TCF7L2: variants seen among roughly 807,000 people sequenced by gnomAD.
TCF7L2 encodes transcription factor 7-like 2.
TCF7L2 carries 23 observed loss-of-function variants against 77.9 expected under a neutral mutation model. The observed-to-expected ratio is 0.30, with a 90% CI of 0.21 to 0.42. The LOEUF is 0.42. TCF7L2 is among the 10% of genes least tolerant of loss of function. TCF7L2 has a pLI of 1.00. For synonymous variants in TCF7L2, 413 were observed against 340.2 expected (o/e 1.21, Z -2.36); for missense variants, 654 against 793.1 (o/e 0.82, Z 2.11).
intron 5 of TCF7L2, among the ~76,000 whole-genome samples, chr10:113,075,003 G>GTATTTATT (rs35726298): frequency 1.3e-5 from 2 of 152,194 alleles, no homozygotes; most frequent in African/African-American, 4.8e-5. Context: ...ATATAGGAAA[G>GTATTTATT]TATTTATTTA....
At chr10:113,077,493 C>T (rs7918209) in intron 5 of TCF7L2, among the ~76,000 whole-genome samples, 2,692 of 152,128 alleles carry the variant, frequency 0.018, 81 homozygotes, top group African/African-American at 0.061. Context: ...CTCCCCATTT[C>T]CCCCACTCTG....
At chr10:112,960,729 C>T (rs567700256) in intron 3 of TCF7L2, among the ~76,000 whole-genome samples, 1 of 149,064 alleles carries the variant, frequency 6.7e-6, no homozygotes, top group African/African-American at 2.5e-5. Flanking sequence ...CTCTTGTTTT[C>T]CAGGCCGGAG....
intron 5 of TCF7L2, chr10:113,089,446 A>AC (rs756433967): frequency 2.1e-5 from 34 of 1,612,662 alleles, no homozygotes; most frequent in East Asian, 4.5e-5. Flanking sequence ...CAGCACTTCT[A>AC]CCCCCCCTCA....
At chr10:113,157,798 A>G (rs140003242) in intron 11 of TCF7L2, 304 of 503,394 alleles carry the variant, frequency 6.0e-4, no homozygotes, top group Non-Finnish European at 8.9e-4. Flanking sequence ...CCACCCGCCA[A>G]TCCCTTCTCT....
intron 5 of TCF7L2, among the ~76,000 whole-genome samples, chr10:113,089,758 G>A (rs978667149): frequency 6.6e-6 from 1 of 152,146 alleles, no homozygotes; most frequent in Non-Finnish European, 1.5e-5. Flanking sequence ...GAGGGTGGAG[G>A]GTGGTGCTCG....
intron 5 of TCF7L2, among the ~76,000 whole-genome samples, chr10:113,071,154 C>T (rs894696693): frequency 6.6e-6 from 1 of 152,178 alleles, no homozygotes; most frequent in African/African-American, 2.4e-5. Flanking sequence ...CTCTTGCTTC[C>T]TTCCACCCTG....
chr10:113,111,186 A>T lies in TCF7L2; in HGVS notation c.553-29998A>T, dbSNP rs188945896. 3.2e-3 allele frequency among the ~76,000 whole-genome samples: 486 copies of T among 152,258 alleles called. 3 individuals are homozygous for T. The highest frequency in any genetic ancestry group is 0.011 in the African/African-American group (456 of 41,534). On this transcript the variant is annotated intron_variant, in intron 5 of 13. Coordinates refer to ENST00000627217, the MANE Select transcript of TCF7L2 (RefSeq NM_001146274.2). ...GATGGTCATAGAACTGGTTTCTGTT[A>T]GAGGTTAACTGACTTTGAGGAAATT... is the stretch of plus-strand genomic sequence containing the variant.
chr10:113,113,963 C>A (rs6585207), intron 5 of TCF7L2, among the ~76,000 whole-genome samples: 48,147 of 152,118 alleles, frequency 0.32, 8,086 homozygotes, highest in African/African-American at 0.41. Flanking sequence ...TGATGGGTTT[C>A]GTTGGACTAT....
chr10:113,086,773 A>AG (rs58310420), intron 5 of TCF7L2, among the ~76,000 whole-genome samples: 66,093 of 150,848 alleles, frequency 0.44, 16,404 homozygotes, highest in East Asian at 0.78. Flanking sequence ...AAAAAAAAAA[A>AG]AAACTATAGT....
rs1400643864 is a variant in TCF7L2, at chr10:113,161,377, C to T, written c.1391+686C>T. On this transcript the variant is annotated intron_variant, in intron 13 of 13. Coordinates refer to ENST00000627217, the MANE Select transcript of TCF7L2 (RefSeq NM_001146274.2). ...TGTGTGTATATATGTAGCATTGGTTCCAAAAGGAATCAGAACAGCCCAGAA... is the reference window on the plus strand; with the variant it reads ...TGTGTGTATATATGTAGCATTGGTTTCAAAAGGAATCAGAACAGCCCAGAA... The T allele has an allele frequency of 6.6e-5, 40 of 605,454 alleles. No individual in the cohort carries two copies. The Admixed American group carries it at 1.1e-3, about 16-fold the overall frequency. The allele number at this position is 605,454 out of a possible 1,614,324, so 37.5% of individuals were successfully genotyped here.
intron 5 of TCF7L2, among the ~76,000 whole-genome samples, chr10:113,140,767 G>C (rs1232920269): frequency 6.6e-6 from 1 of 152,132 alleles, no homozygotes; most frequent in African/African-American, 2.4e-5. Flanking sequence ...GGTTTTCCTA[G>C]ATGGTCCCCT....
intron 5 of TCF7L2, among the ~76,000 whole-genome samples, chr10:113,115,564 G>C (rs2063611869): frequency 1.3e-5 from 2 of 152,112 alleles, no homozygotes; most frequent in South Asian, 4.1e-4. Context: ...ATTTTGAATT[G>C]CACGGAACGT....
At chr10:113,004,666 C>T (rs1281862221) in intron 4 of TCF7L2, among the ~76,000 whole-genome samples, 1 of 151,962 alleles carries the variant, frequency 6.6e-6, no homozygotes, top group Non-Finnish European at 1.5e-5. Flanking sequence ...TTGAGGGTTC[C>T]ATTTCTTTTT....
chr10:113,073,342 TCAA>T (rs2058298382), intron 5 of TCF7L2, among the ~76,000 whole-genome samples: 1 of 151,028 alleles, frequency 6.6e-6, no homozygotes, highest in Non-Finnish European at 1.5e-5. Context: ...TTGGTGATGG[TCAA>T]CTCTGAAAGC....
intron 4 of TCF7L2, among the ~76,000 whole-genome samples, chr10:112,983,984 C>T (rs2040999518): frequency 2.0e-5 from 3 of 152,330 alleles, no homozygotes; most frequent in South Asian, 4.1e-4. Flanking sequence ...CTTCGATTCT[C>T]CCAGTCGACT....
At chr10:113,065,130 C>G (rs556035669) in intron 5 of TCF7L2, among the ~76,000 whole-genome samples, 1 of 152,338 alleles carries the variant, frequency 6.6e-6, no homozygotes, top group South Asian at 2.1e-4. Flanking sequence ...GCTCCAGTTG[C>G]CAGACACTGT....
In TCF7L2 at chr10:113,106,971, A is replaced by G. The variant is rs140230306; in HGVS notation, c.553-34213A>G. Among the ~76,000 whole-genome samples, 1,181 of 152,348 alleles carry G rather than the reference A, an allele frequency of 7.8e-3. 16 individuals are homozygous for G. The highest frequency in any genetic ancestry group is 0.026 in the African/African-American group (1,090 of 41,584). ...ACTCAGGACCACCCTGACTGAGTTG[A>G]CCATGATCAGAATGGATGCAAGAGT... On this transcript the variant is annotated intron_variant, in intron 5 of 13. Coordinates refer to ENST00000627217, the MANE Select transcript of TCF7L2 (RefSeq NM_001146274.2).
intron 3 of TCF7L2, among the ~76,000 whole-genome samples, chr10:112,954,497 T>C (rs1233445566): frequency 1.3e-5 from 2 of 152,220 alleles, no homozygotes; most frequent in African/African-American, 4.8e-5. Flanking sequence ...ATGACAAAGA[T>C]TTCTGCATAA....
chr10:112,969,507 G>A (rs2037761820), intron 4 of TCF7L2, among the ~76,000 whole-genome samples: 1 of 152,230 alleles, frequency 6.6e-6, no homozygotes, highest in Admixed American at 6.5e-5. Context: ...ACCAAGAGTA[G>A]ACTTGGAGGG....
Sources: allele counts gnomAD v4.1 joint callset (sites outside exome capture counted in the v4.1 genomes callset), GRCh38; gene constraint gnomAD v4.1.1; transcripts MANE v1.5; gene names NCBI Gene and HGNC (gene_info 2026-07-23, HGNC 2026-07-21).